LHFPL6: variants seen among roughly 807,000 people sequenced by gnomAD.
LHFPL6 encodes LHFPL tetraspan subfamily member 6 protein.
In LHFPL6, 9 loss-of-function variants were observed where a neutral mutation model predicts 20.6. That is an observed-to-expected ratio of 0.44 (90% CI 0.26 to 0.76). The LOEUF (loss-of-function observed/expected upper bound fraction) is 0.76, where lower values mean the gene tolerates loss of function less well. Among genes scored for constraint, LHFPL6 ranks in the 30% least tolerant of loss-of-function variants. The pLI is 0.20. For synonymous variants in LHFPL6, 105 were observed against 98.7 expected (o/e 1.06, Z -0.38); for missense variants, 218 against 253.5 (o/e 0.86, Z 0.95).
intron 2 of LHFPL6, among the ~76,000 whole-genome samples, chr13:39,394,927 C>T (rs1194680485): frequency 6.6e-6 from 1 of 152,178 alleles, no homozygotes; most frequent in Non-Finnish European, 1.5e-5. Flanking sequence ...ACTTGATCTG[C>T]CTGGCACAGA....
At chr13:39,366,000 C>T (rs1470525071) in intron 3 of LHFPL6, among the ~76,000 whole-genome samples, 1 of 152,172 alleles carries the variant, frequency 6.6e-6, no homozygotes, top group Non-Finnish European at 1.5e-5. Flanking sequence ...CCCCCAAAAC[C>T]CTTTCTTCCC....
In LHFPL6 at chr13:39,562,375, CATATAT is replaced by C. The variant is rs1231601466; in HGVS notation, c.385+38451_385+38456del. On this transcript the variant is annotated intron_variant, in intron 2 of 3. Transcript: ENST00000379589. ...ACATATATATACATATACATATATA[CATATAT>C]ACATATACATATATATACATATATA... 5.0e-3 allele frequency among the ~76,000 whole-genome samples: 500 copies of C among 100,932 alleles called. 18 individuals carry two copies. Among genetic ancestry groups the C allele is most frequent in the South Asian group, 0.011 (32 of 2,952 alleles). The allele number at this position is 100,932 out of a possible 152,430, so 66.2% of individuals were successfully genotyped here. A position where few individuals can be genotyped will look rare whatever the true frequency, so the allele number is the denominator to read the frequency against.
intron 2 of LHFPL6, among the ~76,000 whole-genome samples, chr13:39,521,162 G>A (rs1870093409): frequency 6.6e-6 from 1 of 151,994 alleles, no homozygotes; most frequent in Non-Finnish European, 1.5e-5. Context: ...CTTTAAGACA[G>A]ATCATTCCGA....
chr13:39,399,834 C>T (rs1321603131), intron 2 of LHFPL6, among the ~76,000 whole-genome samples: 1 of 152,196 alleles, frequency 6.6e-6, no homozygotes, highest in East Asian at 1.9e-4. Context: ...TGGCTCACGC[C>T]TGTAATCCCA....
chr13:39,540,814 T>G (rs1423755484), intron 2 of LHFPL6, among the ~76,000 whole-genome samples: 2 of 152,208 alleles, frequency 1.3e-5, no homozygotes, highest in Admixed American at 1.3e-4. Flanking sequence ...GGAATACCTC[T>G]TTCTTTATTA....
chr13:39,345,809 C>T (rs916412365), intron 3 of LHFPL6, among the ~76,000 whole-genome samples: 2 of 152,116 alleles, frequency 1.3e-5, no homozygotes, highest in East Asian at 1.9e-4. Flanking sequence ...TTGTCTGTAC[C>T]CTAAAAGCTT....
At chr13:39,353,127 T>C (rs1869635494) in intron 3 of LHFPL6, among the ~76,000 whole-genome samples, 1 of 149,944 alleles carries the variant, frequency 6.7e-6, no homozygotes. Flanking sequence ...GGATTACAGG[T>C]GTGTGCCACC....
chr13:39,427,866 G>A (rs749885815), intron 2 of LHFPL6, among the ~76,000 whole-genome samples: 60 of 152,326 alleles, frequency 3.9e-4, no homozygotes, highest in Non-Finnish European at 6.0e-4. Context: ...GGTTAGCACC[G>A]TCATCTTAGT....
chr13:39,577,430 G>A (rs751847905), intron 2 of LHFPL6, among the ~76,000 whole-genome samples: 1 of 152,146 alleles, frequency 6.6e-6, no homozygotes, highest in Non-Finnish European at 1.5e-5. Context: ...GTGCTTCCAA[G>A]TACAAGTTAA....
At chr13:39,540,635 G>T (rs186314390) in intron 2 of LHFPL6, among the ~76,000 whole-genome samples, 145 of 152,106 alleles carry the variant, frequency 9.5e-4, no homozygotes, top group African/African-American at 3.0e-3. Flanking sequence ...AGTTTTGGGG[G>T]GCTAACAATT....
intron 2 of LHFPL6, among the ~76,000 whole-genome samples, chr13:39,562,401 T>TATATGC (rs1871520438): frequency 3.4e-5 from 1 of 29,076 alleles, no homozygotes; most frequent in Non-Finnish European, 8.2e-5. Context: ...TATATATACA[T>TATATGC]ATATACACAT....
At chr13:39,416,293 G>A (rs1049008828) in intron 2 of LHFPL6, among the ~76,000 whole-genome samples, 1 of 151,920 alleles carries the variant, frequency 6.6e-6, no homozygotes, top group Admixed American at 6.6e-5. Context: ...GTATCCCAAG[G>A]GTTGAGAACA....
intron 2 of LHFPL6, among the ~76,000 whole-genome samples, chr13:39,418,958 T>C (rs1467398613): frequency 1.3e-5 from 2 of 152,204 alleles, no homozygotes; most frequent in African/African-American, 4.8e-5. Flanking sequence ...ATGATCAGAA[T>C]ACAGATTCCA....
At position 39,343,823 on chromosome 13, in the gene LHFPL6, G is replaced by A; in HGVS notation, c.*113C>T. 1.6e-6 allele frequency: 1 copy of A among 639,746 alleles called. No individual in the cohort carries two copies. The highest frequency in any genetic ancestry group is 2.7e-6 in the Non-Finnish European group (1 of 373,650). The allele number at this position is 639,746 out of a possible 1,614,324, so 39.6% of individuals were successfully genotyped here. ...GATTTTATCGGGTTTCATTTTATTAGCATTGTATTGGATTAGAACTACTAT... is the reference window on the plus strand; with the variant it reads ...GATTTTATCGGGTTTCATTTTATTAACATTGTATTGGATTAGAACTACTAT... On this transcript the variant is annotated 3_prime_UTR_variant, in exon 4 of 4. Coordinates refer to ENST00000379589, the MANE Select transcript of LHFPL6 (RefSeq NM_005780.3).
chr13:39,500,913 T>C (rs1340319074), intron 2 of LHFPL6, among the ~76,000 whole-genome samples: 1 of 152,170 alleles, frequency 6.6e-6, no homozygotes, highest in Non-Finnish European at 1.5e-5. Context: ...GAGAATCACC[T>C]GGAAAACTTA....
rs1285074949 is a variant in LHFPL6 at position 39,401,061 on chromosome 13, T to C, written c.386-22535A>G. Among the ~76,000 whole-genome samples the C allele has an allele frequency of 2.6e-5, 4 of 152,182 alleles. No homozygotes were observed. The East Asian group carries it at 7.7e-4, about 29-fold the overall frequency. On this transcript the variant is annotated intron_variant, in intron 2 of 3. Coordinates refer to ENST00000379589, the MANE Select transcript of LHFPL6 (RefSeq NM_005780.3). ...ATTTGAACTATTCCTTTATAGAGCT[T>C]ATGTGACATTAAATTCCAGTCTCAT...
At chr13:39,574,254 G>C (rs1021498360) in intron 2 of LHFPL6, among the ~76,000 whole-genome samples, 2 of 152,114 alleles carry the variant, frequency 1.3e-5, no homozygotes, top group Non-Finnish European at 2.9e-5. Flanking sequence ...AGGCCGAGGC[G>C]GGCGGATCAC....
intron 2 of LHFPL6, among the ~76,000 whole-genome samples, chr13:39,474,708 A>T (rs1873036642): frequency 6.6e-6 from 1 of 152,078 alleles, no homozygotes; most frequent in South Asian, 2.1e-4. Flanking sequence ...AGGCCTTGAG[A>T]TAAGTACTGG....
intron 3 of LHFPL6, among the ~76,000 whole-genome samples, chr13:39,369,978 T>A (rs1870124502): frequency 6.6e-6 from 1 of 152,150 alleles, no homozygotes; most frequent in African/African-American, 2.4e-5. Context: ...ATAGAAATGT[T>A]CTGGCTCTGA....
Sources: gnomAD v4.1 joint callset for allele counts (sites outside exome capture counted in the v4.1 genomes callset) on GRCh38, gnomAD v4.1.1 for gene constraint, MANE v1.5 for transcripts, NCBI Gene and HGNC (gene_info 2026-07-23, HGNC 2026-07-21) for gene names.